The following PCDH15 variants were observed in gnomAD, a reference collection of about 807,000 sequenced individuals.
PCDH15 encodes the protein protocadherin related 15.
Under a neutral mutation model 178.5 loss-of-function variants are expected in PCDH15, and 129 were observed. The ratio of observed to expected loss-of-function variants is 0.72; its 90% CI spans 0.63 to 0.84. The LOEUF is 0.84. PCDH15 is among the 40% of genes least tolerant of loss of function. The pLI, the probability that PCDH15 is intolerant of heterozygous loss-of-function variation, is 0.00. For missense variants in PCDH15, 2,230 were observed against 2,099.9 expected, an observed-to-expected ratio of 1.06 and a Z score of -1.21; for synonymous variants, 800 against 732.0, an observed-to-expected ratio of 1.09 and a Z score of -1.50.
intron 3 of PCDH15, among the ~76,000 whole-genome samples, chr10:54,470,149 G>A (rs911610494): frequency 1.4e-4 from 22 of 152,278 alleles, no homozygotes; most frequent in African/African-American, 5.1e-4. Flanking sequence ...GATGAAGGTG[G>A]CAGAAGCTGC....
At chr10:55,462,250 C>A (rs1028560924) in intron 2 of PCDH15, among the ~76,000 whole-genome samples, 1 of 152,008 alleles carries the variant, frequency 6.6e-6, no homozygotes, top group East Asian at 1.9e-4. Context: ...ATTTATATGA[C>A]CAAACTTGGG....
At chr10:55,044,357 T>C (rs1840944155) in intron 2 of PCDH15, among the ~76,000 whole-genome samples, 1 of 152,158 alleles carries the variant, frequency 6.6e-6, no homozygotes, top group Non-Finnish European at 1.5e-5. Flanking sequence ...CTTTGAACAA[T>C]TGGCAATAAC....
intron 3 of PCDH15, among the ~76,000 whole-genome samples, chr10:54,881,192 T>C (rs989522671): frequency 5.9e-5 from 9 of 152,034 alleles, no homozygotes; most frequent in African/African-American, 2.2e-4. Flanking sequence ...AAGGAGAACA[T>C]AGTTCGGCAG....
chr10:54,058,661 A>G (rs138678292), intron 18 of PCDH15, among the ~76,000 whole-genome samples: 44 of 151,096 alleles, frequency 2.9e-4, no homozygotes, highest in African/African-American at 1.0e-3. Context: ...CATATCTGCT[A>G]TCTAACATTA....
At chr10:54,492,888 A>G (rs1387575775) in intron 3 of PCDH15, among the ~76,000 whole-genome samples, 1 of 152,156 alleles carries the variant, frequency 6.6e-6, no homozygotes, top group African/African-American at 2.4e-5. Context: ...AAAAGACAGA[A>G]GTTTAATGGA....
intron 1 of PCDH15, among the ~76,000 whole-genome samples, chr10:55,219,839 G>A (rs1326749654): frequency 1.3e-5 from 2 of 150,138 alleles, no homozygotes; most frequent in Admixed American, 6.7e-5. Context: ...CAATATTGGA[G>A]GTGTTTCACA....
At position 54,963,632 on chromosome 10, in the gene PCDH15, C is replaced by A. The variant is rs77895733; in HGVS notation, c.-79-66132G>T. ...TATTTAAAAATCCTTTAGCTTCCAA[C>A]TGAAAGTTATCACCAGCCACCATTT... On this transcript the variant is annotated intron_variant, in intron 2 of 5. Coordinates refer to the PCDH15 transcript ENST00000458638. 1.9e-4 allele frequency among the ~76,000 whole-genome samples: 29 copies of A among 152,312 alleles called. No individual in the cohort carries two copies. The East Asian group carries it at 4.4e-3, about 23-fold the overall frequency.
At chr10:55,274,004 A>ATG (rs1295934750) in intron 1 of PCDH15, among the ~76,000 whole-genome samples, 4 of 152,006 alleles carry the variant, frequency 2.6e-5, no homozygotes, top group South Asian at 2.1e-4. Context: ...GTATGTATGT[A>ATG]TGTGTGTGTG....
At chr10:54,049,774 C>T (rs533681197) in intron 18 of PCDH15, among the ~76,000 whole-genome samples, 1 of 152,190 alleles carries the variant, frequency 6.6e-6, no homozygotes, top group Admixed American at 6.5e-5. Flanking sequence ...GCACCCGCCA[C>T]CAAGCCTGGC....
intron 2 of PCDH15, among the ~76,000 whole-genome samples, chr10:54,561,594 G>A (rs1018893879): frequency 1.3e-5 from 2 of 151,962 alleles, no homozygotes; most frequent in African/African-American, 4.8e-5. Context: ...AGGAATTGGT[G>A]GAAGGAGAAA....
intron 3 of PCDH15, among the ~76,000 whole-genome samples, chr10:54,883,222 A>C (rs1160180712): frequency 6.6e-6 from 1 of 152,086 alleles, no homozygotes; most frequent in African/African-American, 2.4e-5. Flanking sequence ...TGCCCTAAAA[A>C]GCAGTTAAGC....
At chr10:55,129,332 CAA>C (rs1243228081) in intron 2 of PCDH15, among the ~76,000 whole-genome samples, 1 of 152,062 alleles carries the variant, frequency 6.6e-6, no homozygotes, top group Non-Finnish European at 1.5e-5. Flanking sequence ...AATTAGGTCA[CAA>C]AAGAGTCTTT....
At chr10:54,633,870 C>T (rs1404683246) in intron 2 of PCDH15, among the ~76,000 whole-genome samples, 1 of 152,068 alleles carries the variant, frequency 6.6e-6, no homozygotes, top group African/African-American at 2.4e-5. Context: ...AGAGTTTAGG[C>T]ACATATTAGG....
intron 3 of PCDH15, among the ~76,000 whole-genome samples, chr10:54,841,239 A>T (rs940949310): frequency 6.6e-6 from 1 of 151,928 alleles, no homozygotes; most frequent in African/African-American, 2.4e-5. Flanking sequence ...GCATGATATG[A>T]AACTAAAAAT....
chr10:55,455,333 A>C (rs1325384243), intron 2 of PCDH15, among the ~76,000 whole-genome samples: 1 of 152,182 alleles, frequency 6.6e-6, no homozygotes, highest in Non-Finnish European at 1.5e-5. Context: ...CATCTCTGGA[A>C]GATAAAATAT....
At chr10:55,510,087 T>G (rs1040955542) in intron 2 of PCDH15, among the ~76,000 whole-genome samples, 2 of 151,986 alleles carry the variant, frequency 1.3e-5, no homozygotes, top group African/African-American at 4.8e-5. Flanking sequence ...AGAGACTTTT[T>G]TTTGTATTGT....
At chr10:55,391,336 T>C (rs747507295) in intron 2 of PCDH15, among the ~76,000 whole-genome samples, 17 of 152,004 alleles carry the variant, frequency 1.1e-4, no homozygotes, top group Non-Finnish European at 2.1e-4. Context: ...AATTGATGAG[T>C]TAGGGACTTG....
intron 2 of PCDH15, among the ~76,000 whole-genome samples, chr10:54,539,824 G>A (rs2085005622): frequency 6.6e-6 from 1 of 152,054 alleles, no homozygotes. Flanking sequence ...AACCACAGTG[G>A]AATTAAAATA....
rs1468244099 is a variant in PCDH15, at chr10:55,345,498, T to G, written c.-155-178847A>C. ...CTAAGCCAGAGTTGAACTATGGCAA[T>G]TCCTCCACCCTCTTGTCGGTCCTGT... On this transcript the variant is annotated intron_variant, in intron 2 of 5. Coordinates refer to the PCDH15 transcript ENST00000613346. Among the ~76,000 whole-genome samples the G allele has an allele frequency of 2.6e-5, 4 of 152,058 alleles. No individual in the cohort carries two copies. The East Asian group carries it at 7.7e-4, about 29-fold the overall frequency.
Sources: gnomAD v4.1 joint callset for allele counts (sites outside exome capture counted in the v4.1 genomes callset) on GRCh38, gnomAD v4.1.1 for gene constraint, MANE v1.5 for transcripts, NCBI Gene and HGNC (gene_info 2026-07-23, HGNC 2026-07-21) for gene names.